DOCK9: variants seen among roughly 807,000 people sequenced by gnomAD.
DOCK9 encodes the protein dedicator of cytokinesis protein 9.
Under a neutral mutation model 263.3 loss-of-function variants are expected in DOCK9, and 89 were observed. The observed-to-expected ratio is 0.34, with a 90% CI of 0.28 to 0.40. DOCK9 has a LOEUF of 0.40. DOCK9 is among the 10% of genes least tolerant of loss of function. DOCK9 has a pLI of 1.00. For synonymous variants in DOCK9, 976 were observed against 973.1 expected, an observed-to-expected ratio of 1.00 and a Z score of -0.06; for missense variants, 2,140 against 2,603.4, an observed-to-expected ratio of 0.82 and a Z score of 3.87.
chr13:98,933,679 G>T (rs2054319775), intron 2 of DOCK9, among the ~76,000 whole-genome samples: 2 of 152,210 alleles, frequency 1.3e-5, no homozygotes, highest in Non-Finnish European at 2.9e-5. Context: ...CTTCGTGCAT[G>T]TCTTGAACTA....
At chr13:98,796,412 C>T (rs1301559657) in intron 52 of DOCK9, among the ~76,000 whole-genome samples, 1 of 152,098 alleles carries the variant, frequency 6.6e-6, no homozygotes, top group Non-Finnish European at 1.5e-5. Flanking sequence ...TATCAAGGTG[C>T]TAATGTCAAT....
At chr13:99,014,886 C>T (rs989626090) in intron 1 of DOCK9, among the ~76,000 whole-genome samples, 3 of 152,292 alleles carry the variant, frequency 2.0e-5, no homozygotes, top group East Asian at 1.9e-4. Flanking sequence ...CACTTCCTCT[C>T]GCTCTCAAGA....
chr13:98,797,583 C>T (rs772524699), intron 50 of DOCK9, 94 bp from the exon 51 acceptor site: 45 of 1,065,396 alleles, frequency 4.2e-5, no homozygotes, highest in South Asian at 7.0e-5. Context: ...AAAGCCCGTT[C>T]GCGTGAGCTA....
chr13:98,831,346 A>G lies in DOCK9; in HGVS notation c.4635+2T>C. ...TGTATTGGAAAGCTAAACCACACGC[A>G]CTTGCAAATGTGTCCGGACAAAGGA... On this transcript the variant is annotated splice_donor_variant, in intron 41 of 52. Transcript: ENST00000682017. LOFTEE classifies it high-confidence loss of function. 6.2e-7 allele frequency: 1 copy of G among 1,600,822 alleles called. No individual in the cohort carries two copies. The highest frequency in any genetic ancestry group is 8.5e-7 in the Non-Finnish European group (1 of 1,172,960).
intron 1 of DOCK9, among the ~76,000 whole-genome samples, chr13:99,052,710 CCTA>C (rs1432358775): frequency 1.3e-5 from 2 of 151,942 alleles, no homozygotes; most frequent in Non-Finnish European, 2.9e-5. Context: ...AAGTGGTCCT[CCTA>C]CGTCAGACTC....
intron 1 of DOCK9, among the ~76,000 whole-genome samples, chr13:99,021,705 T>C (rs1886132385): frequency 6.6e-6 from 1 of 150,526 alleles, no homozygotes; most frequent in South Asian, 2.1e-4. Flanking sequence ...TAAGATAGCT[T>C]GTAAAATAAG....
rs2090556779 is a variant in DOCK9 at position 98,805,209 on chromosome 13, C to T, written c.5515G>A (p.Val1839Ile). ...NVKMIQDSGKVNPKDLDSKYA... is the reference protein window; with the variant it reads ...NVKMIQDSGKINPKDLDSKYA... ...TTAGAATCCAGATCCTTAGGGTTGA[C>T]CTTTAATTGAAACAGCACAATGGGA... Residue 1839 changes from valine to isoleucine, a missense_variant and splice_region_variant, in exon 49 of 53, where the codon GTC becomes ATC. This residue lies in a region of DOCK9 where 619 missense variants were observed against 861.8 expected (regional missense o/e 0.72). Coordinates refer to ENST00000682017, the MANE Select transcript of DOCK9 (RefSeq NM_001366683.2). 2 of 1,589,808 alleles carry T rather than the reference C, an allele frequency of 1.3e-6. No individual in the cohort carries two copies. The highest frequency in any genetic ancestry group is 1.7e-6 in the Non-Finnish European group (2 of 1,166,348).
intron 49 of DOCK9, 35 bp downstream of exon 49, chr13:98,804,964 C>T (rs114172970): frequency 2.9e-5 from 46 of 1,561,748 alleles, no homozygotes; most frequent in African/African-American, 2.7e-4. Context: ...GCGAGGTGTC[C>T]GGGCTCGTGT....
chr13:98,825,833 C>G lies in DOCK9; in HGVS notation c.5023+997G>C, dbSNP rs1310713454. 3.5e-6 allele frequency: 5 copies of G among 1,417,168 alleles called. No individual in the cohort carries two copies. The highest frequency in any genetic ancestry group is 4.7e-6 in the Non-Finnish European group (5 of 1,068,920). 87.8% of individuals were successfully genotyped at this position (1,417,168 alleles called of 1,614,324 possible). On this transcript the variant is annotated intron_variant, in intron 44 of 52. Transcript: ENST00000682017. This position sits in a 1 kb window ranked among gnomAD's most constrained non-coding sequence, Gnocchi z 4.1. ...ACCACGGGAGGGCACGTGACCAGGG[C>G]AGGGGGTCCCCGGGGGCTGGGCTGA...
intron 45 of DOCK9, among the ~76,000 whole-genome samples, chr13:98,818,766 T>C (rs1207972363): frequency 6.6e-6 from 1 of 152,168 alleles, no homozygotes; most frequent in African/African-American, 2.4e-5. Context: ...CAGGCCCATT[T>C]TAGTGTGCCA....
upstream of DOCK9, among the ~76,000 whole-genome samples, chr13:98,982,984 T>G (rs1394601991): frequency 6.6e-6 from 1 of 152,228 alleles, no homozygotes; most frequent in Non-Finnish European, 1.5e-5. Flanking sequence ...GTAGATACTG[T>G]AGCTAACCAT....
intron 15 of DOCK9, among the ~76,000 whole-genome samples, chr13:98,896,660 T>C (rs2047483090): frequency 6.6e-6 from 1 of 152,174 alleles, no homozygotes; most frequent in African/African-American, 2.4e-5. Flanking sequence ...GTTTCAAAGG[T>C]TCAGAGTGAA....
At chr13:98,994,617 C>T (rs1567182922) in intron 1 of DOCK9, among the ~76,000 whole-genome samples, 1 of 152,050 alleles carries the variant, frequency 6.6e-6, no homozygotes, top group East Asian at 1.9e-4. Context: ...AATTGTGTTA[C>T]TCATATATAA....
intron 1 of DOCK9, among the ~76,000 whole-genome samples, chr13:99,054,227 A>C (rs1057042314): frequency 1.3e-5 from 2 of 152,236 alleles, no homozygotes; most frequent in African/African-American, 2.4e-5. Flanking sequence ...TCACTTAGAA[A>C]AAAAACAGCC....
intron 27 of DOCK9, among the ~76,000 whole-genome samples, chr13:98,876,919 C>T (rs183197568): frequency 1.9e-4 from 29 of 152,286 alleles, no homozygotes; most frequent in Admixed American, 1.0e-3. Context: ...TAAGCTTTCT[C>T]CTGTGGGATA....
At chr13:98,906,798 C>A (rs1043138802) in intron 9 of DOCK9, among the ~76,000 whole-genome samples, 2 of 152,080 alleles carry the variant, frequency 1.3e-5, no homozygotes, top group African/African-American at 2.4e-5. Context: ...AAATGGGCAC[C>A]AGAATACTAA....
chr13:98,913,237 G>A (rs769782779), intron 9 of DOCK9, among the ~76,000 whole-genome samples: 7 of 152,156 alleles, frequency 4.6e-5, no homozygotes, highest in Non-Finnish European at 8.8e-5. Flanking sequence ...CTATTATAGT[G>A]TTTAAGATGT....
intron 1 of DOCK9, among the ~76,000 whole-genome samples, chr13:98,969,630 T>C (rs1432438742): frequency 6.6e-6 from 1 of 152,196 alleles, no homozygotes; most frequent in African/African-American, 2.4e-5. Flanking sequence ...AACGACGCCA[T>C]GATGGGCTAC....
At chr13:99,045,567 A>G (rs1172807963) in intron 1 of DOCK9, among the ~76,000 whole-genome samples, 3 of 152,204 alleles carry the variant, frequency 2.0e-5, no homozygotes, top group Admixed American at 2.0e-4. Context: ...GGAATACAGT[A>G]TAAACATGGT....
Sources: gnomAD v4.1 joint callset for allele counts (sites outside exome capture counted in the v4.1 genomes callset) on GRCh38, gnomAD v4.1.1 for gene constraint, gnomAD v4.1.1 regional missense constraint, Gnocchi (gnomAD v3.1) non-coding constraint, MANE v1.5 for transcripts, NCBI Gene and HGNC (gene_info 2026-07-23, HGNC 2026-07-21) for gene names.